The following JAZF1 variants were observed in gnomAD, a reference collection of about 807,000 sequenced individuals.
The protein encoded by JAZF1 is JAZF zinc finger 1.
Under a neutral mutation model 26.4 loss-of-function variants are expected in JAZF1, and 8 were observed. That is an observed-to-expected ratio of 0.30 (90% CI 0.18 to 0.55). JAZF1 has a LOEUF of 0.55. Among genes scored for constraint, JAZF1 ranks in the 20% least tolerant of loss-of-function variants. The pLI is 0.94. For missense variants in JAZF1, 199 were observed against 322.0 expected (o/e 0.62, Z 2.92); for synonymous variants, 126 against 122.3 (o/e 1.03, Z -0.20).
chr7:27,880,723 G>A (rs1164564442), intron 3 of JAZF1, among the ~76,000 whole-genome samples: 1 of 152,178 alleles, frequency 6.6e-6, no homozygotes, highest in Non-Finnish European at 1.5e-5. Flanking sequence ...GAAGTGCAGT[G>A]GTGCAATCTA....
intron 3 of JAZF1, among the ~76,000 whole-genome samples, chr7:27,869,170 A>G (rs2128337554): frequency 6.6e-6 from 1 of 152,338 alleles, no homozygotes; most frequent in African/African-American, 2.4e-5. Context: ...TTTGGTAATA[A>G]GACTAAGTGT....
chr7:27,886,998 G>C (rs1423696948), intron 3 of JAZF1, among the ~76,000 whole-genome samples: 1 of 152,168 alleles, frequency 6.6e-6, no homozygotes, highest in Non-Finnish European at 1.5e-5. Flanking sequence ...GCTAACACAG[G>C]AACAGAAAAC....
At chr7:27,913,459 G>A in intron 2 of JAZF1, 2 of 406,570 alleles carry the variant, frequency 4.9e-6, no homozygotes, top group Non-Finnish European at 1.0e-5. Flanking sequence ...GCTGTCTGTG[G>A]GCGGAAGAGG....
rs563054915 is a variant in JAZF1, at chr7:27,980,882, C to A, written c.188+11027G>T. Among the ~76,000 whole-genome samples, 294 of 152,188 alleles carry A rather than the reference C, an allele frequency of 1.9e-3. 1 individual carries two copies. Among genetic ancestry groups the A allele is most frequent in the Non-Finnish European group, 3.2e-3 (220 of 68,012 alleles). ...ATACTGCATGCTTCCTTTCTCTTAC[C>A]AAAGGTCCCCAAGACTCCTTTTAGT... On this transcript the variant is annotated intron_variant, in intron 2 of 4. Transcript: ENST00000283928.
At chr7:28,100,157 G>A (rs2127926821) in intron 1 of JAZF1, among the ~76,000 whole-genome samples, 1 of 152,332 alleles carries the variant, frequency 6.6e-6, no homozygotes, top group East Asian at 1.9e-4. Context: ...TCTGAAGAGA[G>A]GGTGGGGAGA....
At chr7:28,056,292 T>C (rs1164025764) in intron 1 of JAZF1, among the ~76,000 whole-genome samples, 1 of 152,018 alleles carries the variant, frequency 6.6e-6, no homozygotes, top group African/African-American at 2.4e-5. Context: ...AGGCAGTTCA[T>C]ACCACATGTA....
intron 1 of JAZF1, among the ~76,000 whole-genome samples, chr7:28,136,169 T>C (rs1782882560): frequency 6.6e-6 from 1 of 152,230 alleles, no homozygotes; most frequent in Non-Finnish European, 1.5e-5. Flanking sequence ...TCAGGCACCC[T>C]GCTGAACGTT....
At chr7:27,837,748 A>C (rs1782844883) in intron 4 of JAZF1, among the ~76,000 whole-genome samples, 1 of 152,196 alleles carries the variant, frequency 6.6e-6, no homozygotes, top group Non-Finnish European at 1.5e-5. Flanking sequence ...TATGCAACCC[A>C]AAAATGCCTC....
chr7:27,900,253 CTGT>C (rs1191590947), intron 2 of JAZF1, among the ~76,000 whole-genome samples: 2 of 152,156 alleles, frequency 1.3e-5, no homozygotes, highest in Admixed American at 6.5e-5. Flanking sequence ...TTTGGTGAGT[CTGT>C]TGTTAAACAC....
At chr7:27,841,711 A>C (rs138481484) in intron 3 of JAZF1, 1 of 152,308 alleles carries the variant, frequency 6.6e-6, no homozygotes, top group African/African-American at 2.4e-5. Flanking sequence ...TCTTTGCAAG[A>C]CGGCAGGGAT....
Position 27,985,647 on chromosome 7 carries a change from C to CA in JAZF1, c.188+6261dup, listed in dbSNP as rs544083854. ...ATATCAAAGCCTGGCAGAGACACAA[C>CA]AAAAAAAGAGAATTTTAGACCAATA... is the stretch of plus-strand genomic sequence containing the variant. On this transcript the variant is annotated intron_variant, in intron 2 of 4. Transcript: ENST00000283928. 2.7e-3 allele frequency among the ~76,000 whole-genome samples: 418 copies of CA among 152,082 alleles called. 4 individuals carry two copies. The highest frequency in any genetic ancestry group is 9.6e-3 in the African/African-American group (398 of 41,474).
chr7:27,905,435 CTTT>C (rs55972060), intron 2 of JAZF1, among the ~76,000 whole-genome samples: 1 of 144,512 alleles, frequency 6.9e-6, no homozygotes. Context: ...TTCTTTCTTT[CTTT>C]TTTTTTTTTG....
At chr7:28,063,897 TGA>T (rs1219229194) in intron 1 of JAZF1, among the ~76,000 whole-genome samples, 1 of 152,174 alleles carries the variant, frequency 6.6e-6, no homozygotes, top group Non-Finnish European at 1.5e-5. Flanking sequence ...CTTTGACATG[TGA>T]GAGAGGGCTC....
chr7:28,123,263 C>G (rs1562595213), intron 1 of JAZF1, among the ~76,000 whole-genome samples: 1 of 152,144 alleles, frequency 6.6e-6, no homozygotes, highest in Non-Finnish European at 1.5e-5. Flanking sequence ...CTACCACTCA[C>G]CCCTTCATCG....
intron 1 of JAZF1, among the ~76,000 whole-genome samples, chr7:27,995,837 T>C (rs939295408): frequency 3.3e-5 from 5 of 152,152 alleles, no homozygotes; most frequent in Non-Finnish European, 5.9e-5. Flanking sequence ...TGCGAAGGGC[T>C]GGGGGTCACA....
chr7:28,051,145 A>C (rs141791732), intron 1 of JAZF1, among the ~76,000 whole-genome samples: 25,751 of 148,420 alleles, frequency 0.17, 2,760 homozygotes, highest in South Asian at 0.25. Flanking sequence ...AAAAAAAAAA[A>C]AAAAAAAAAA....
At chr7:28,020,480 G>A in intron 1 of JAZF1, 2 of 425,164 alleles carry the variant, frequency 4.7e-6, no homozygotes, top group Non-Finnish European at 9.9e-6. Flanking sequence ...CCTGGAAGCA[G>A]GAGTTGAAGC....
At chr7:27,899,460 A>G (rs1784128574) in intron 2 of JAZF1, among the ~76,000 whole-genome samples, 1 of 152,156 alleles carries the variant, frequency 6.6e-6, no homozygotes, top group Non-Finnish European at 1.5e-5. Context: ...TTTTGGAGAC[A>G]GGGTCTCGCT....
chr7:27,891,375 A>G (rs1400940394), intron 3 of JAZF1, among the ~76,000 whole-genome samples: 1 of 152,204 alleles, frequency 6.6e-6, no homozygotes, highest in African/African-American at 2.4e-5. Context: ...TGCAAAGCAT[A>G]TTTACTATAT....
Sources: gnomAD v4.1 joint callset for allele counts (sites outside exome capture counted in the v4.1 genomes callset) on GRCh38, gnomAD v4.1.1 for gene constraint, MANE v1.5 for transcripts, NCBI Gene and HGNC (gene_info 2026-07-23, HGNC 2026-07-21) for gene names.